TBC1D22A: variants seen among roughly 807,000 people sequenced by gnomAD.
TBC1D22A encodes the protein putative GTPase activator.
Under a neutral mutation model 60.2 loss-of-function variants are expected in TBC1D22A, and 38 were observed. That is an observed-to-expected ratio of 0.63 (90% CI 0.49 to 0.83). TBC1D22A has a LOEUF of 0.83. Ranked by LOEUF, TBC1D22A falls within the 40% of genes least tolerant of loss-of-function variation. The probability of loss-of-function intolerance (pLI) is 0.00; values close to 1 mark genes in which losing one functional copy is unlikely to be tolerated. For missense variants in TBC1D22A, 628 were observed against 701.0 expected, an observed-to-expected ratio of 0.90 and a Z score of 1.18; for synonymous variants, 302 against 281.7, an observed-to-expected ratio of 1.07 and a Z score of -0.72.
At chr22:46,950,241 A>G (rs2072817045) in intron 8 of TBC1D22A, among the ~76,000 whole-genome samples, 2 of 152,146 alleles carry the variant, frequency 1.3e-5, no homozygotes, top group South Asian at 2.1e-4. Flanking sequence ...GTGAGAGGGT[A>G]GTTGAAGATG....
At chr22:47,043,600 G>A (rs546330469) in intron 11 of TBC1D22A, among the ~76,000 whole-genome samples, 4 of 152,294 alleles carry the variant, frequency 2.6e-5, no homozygotes, top group African/African-American at 9.6e-5. Context: ...GATGGGGTGT[G>A]TTCATCTTTC....
At chr22:47,153,086 T>C (rs1296566792) in intron 12 of TBC1D22A, among the ~76,000 whole-genome samples, 2 of 152,216 alleles carry the variant, frequency 1.3e-5, no homozygotes, top group African/African-American at 4.8e-5. Flanking sequence ...CTCTGCTGTC[T>C]GTGGCTTCCA....
intron 8 of TBC1D22A, among the ~76,000 whole-genome samples, chr22:46,954,531 G>A (rs1190265334): frequency 6.6e-6 from 1 of 152,134 alleles, no homozygotes; most frequent in Non-Finnish European, 1.5e-5. Flanking sequence ...CCCCTCTCCT[G>A]GGCTCATCTT....
chr22:47,066,863 T>A (rs1464161797), intron 11 of TBC1D22A, among the ~76,000 whole-genome samples: 1 of 152,130 alleles, frequency 6.6e-6, no homozygotes, highest in East Asian at 1.9e-4. Context: ...TCTGGATAGG[T>A]CACTGCAAAT....
At chr22:47,156,834 C>T (rs945157530) in intron 12 of TBC1D22A, among the ~76,000 whole-genome samples, 4 of 152,200 alleles carry the variant, frequency 2.6e-5, no homozygotes, top group Non-Finnish European at 4.4e-5. Flanking sequence ...CTGCCCGCGC[C>T]GACCACCCGA....
At position 46,825,290 on chromosome 22, in the gene TBC1D22A, C is replaced by T. The variant is rs138085789; in HGVS notation, c.637+27670C>T. Reference sequence around the variant, plus strand: ...TTCTTCCTGGGGGTCTGAACCCCGCCGTGCCCATGCCTGTGCTGTGTTTCC... The same window carrying T: ...TTCTTCCTGGGGGTCTGAACCCCGCTGTGCCCATGCCTGTGCTGTGTTTCC... On this transcript the variant is annotated intron_variant, in intron 4 of 12. Transcript: ENST00000337137. Among the ~76,000 whole-genome samples the T allele has an allele frequency of 3.6e-3, 545 of 152,188 alleles. 4 individuals carry two copies. Among genetic ancestry groups the T allele is most frequent in the African/African-American group, 0.012 (511 of 41,496 alleles).
intron 10 of TBC1D22A, among the ~76,000 whole-genome samples, chr22:47,018,618 C>T (rs1232223907): frequency 1.3e-5 from 2 of 152,128 alleles, no homozygotes; most frequent in African/African-American, 2.4e-5. Context: ...ACTTGGGCCA[C>T]GTCGCTGAGC....
At chr22:46,883,472 CCT>C (rs1329256897) in intron 5 of TBC1D22A, among the ~76,000 whole-genome samples, 1 of 152,150 alleles carries the variant, frequency 6.6e-6, no homozygotes, top group Non-Finnish European at 1.5e-5. Context: ...TGTGTGTTTT[CCT>C]TTAGGGATGG....
intron 12 of TBC1D22A, among the ~76,000 whole-genome samples, chr22:47,128,384 A>T (rs940443599): frequency 8.7e-6 from 1 of 115,402 alleles, no homozygotes; most frequent in African/African-American, 3.5e-5. Context: ...ATGGTGGAGA[A>T]TCAGGAGTGG....
chr22:46,896,102 T>G (rs1260652411), intron 7 of TBC1D22A, among the ~76,000 whole-genome samples: 1 of 152,222 alleles, frequency 6.6e-6, no homozygotes, highest in Admixed American at 6.5e-5. Flanking sequence ...CGTTTGTTTC[T>G]CTGGTTACTC....
intron 4 of TBC1D22A, among the ~76,000 whole-genome samples, chr22:46,878,320 A>AGGGT (rs796765965): frequency 1.2e-4 from 1 of 8,362 alleles, no homozygotes; most frequent in African/African-American, 3.3e-4. Flanking sequence ...AGGAGGTGGG[A>AGGGT]GGGAGAGAGA....
chr22:47,001,460 A>G (rs189413861), intron 10 of TBC1D22A, among the ~76,000 whole-genome samples: 2,449 of 151,802 alleles, frequency 0.016, 45 homozygotes, highest in South Asian at 0.075. Context: ...AGAAAAAAAA[A>G]AAAAAAAAAA....
At chr22:46,847,920 T>TGG (rs1025703984) in intron 4 of TBC1D22A, among the ~76,000 whole-genome samples, 64 of 25,338 alleles carry the variant, frequency 2.5e-3, no homozygotes, top group South Asian at 8.7e-3. Flanking sequence ...CCCTAGTGGG[T>TGG]GTGTGTGTGT....
intron 11 of TBC1D22A, among the ~76,000 whole-genome samples, chr22:47,083,930 T>C (rs952045321): frequency 1.3e-5 from 2 of 152,220 alleles, no homozygotes; most frequent in South Asian, 2.1e-4. Context: ...CATGCGGAAA[T>C]GCAAAGGATT....
intron 11 of TBC1D22A, among the ~76,000 whole-genome samples, chr22:47,053,840 GAAC>G (rs2063306784): frequency 6.6e-6 from 1 of 152,208 alleles, no homozygotes; most frequent in Admixed American, 6.5e-5. Context: ...AATCTTCCAG[GAAC>G]AACAAGAGGA....
At chr22:47,017,354 C>T (rs754837151) in intron 10 of TBC1D22A, among the ~76,000 whole-genome samples, 27 of 152,306 alleles carry the variant, frequency 1.8e-4, no homozygotes, top group Non-Finnish European at 2.4e-4. Context: ...CCCAAGGCTG[C>T]GGTCTCCGGG....
intron 8 of TBC1D22A, among the ~76,000 whole-genome samples, chr22:46,958,796 A>G (rs2073345461): frequency 6.6e-6 from 1 of 152,162 alleles, no homozygotes; most frequent in Non-Finnish European, 1.5e-5. Flanking sequence ...GGGAATTAGC[A>G]TTTCTTTCTA....
chr22:46,878,571 A>G, intron 4 of TBC1D22A, 82 bp from the exon 5 acceptor site: 2 of 1,143,198 alleles, frequency 1.7e-6, no homozygotes, highest in Non-Finnish European at 2.7e-6. Context: ...CTAATTAAAC[A>G]GGTGGAATGT....
chr22:46,984,413 T>C (rs1170775635), intron 9 of TBC1D22A, among the ~76,000 whole-genome samples: 6 of 112,524 alleles, frequency 5.3e-5, no homozygotes, highest in Admixed American at 1.0e-4. Context: ...AAAAGAGAAG[T>C]TCCAGGCTGG....
Sources: gnomAD v4.1 joint callset for allele counts (sites outside exome capture counted in the v4.1 genomes callset) on GRCh38, gnomAD v4.1.1 for gene constraint, MANE v1.5 for transcripts, NCBI Gene and HGNC (gene_info 2026-07-23, HGNC 2026-07-21) for gene names.